The following OARD1 variants were observed in gnomAD, a reference collection of about 807,000 sequenced individuals.
OARD1 encodes the protein O-acyl-ADP-ribose deacylase 1.
OARD1 carries 19 observed loss-of-function variants against 19.7 expected under a neutral mutation model. That is an observed-to-expected ratio of 0.96 (90% CI 0.67 to 1.41). The LOEUF is 1.41. Among genes scored for constraint, OARD1 ranks in the 40% most tolerant of loss-of-function variants. The pLI, the probability that OARD1 is intolerant of heterozygous loss-of-function variation, is 0.00. For missense variants in OARD1, 190 were observed against 183.8 expected (o/e 1.03, Z -0.20); for synonymous variants, 70 against 61.8 (o/e 1.13, Z -0.62).
At chr6:41,090,142 A>G (rs1764161593) in intron 1 of OARD1, 1 of 1,131,746 alleles carries the variant, frequency 8.8e-7, no homozygotes, top group South Asian at 1.3e-5. Context: ...TTTAAGGACT[A>G]CATCGTTCTT....
At chr6:41,093,837 C>A (rs897323622) in intron 1 of OARD1, among the ~76,000 whole-genome samples, 1 of 152,178 alleles carries the variant, frequency 6.6e-6, no homozygotes, top group Non-Finnish European at 1.5e-5. Flanking sequence ...AATTTAGTTA[C>A]CTGATCACAC....
chr6:41,084,651 T>C (rs1763992938), intron 1 of OARD1, among the ~76,000 whole-genome samples: 2 of 152,266 alleles, frequency 1.3e-5, no homozygotes, highest in South Asian at 4.1e-4. Flanking sequence ...AAAACAAAAG[T>C]AAGCAAAGAT....
intron 3 of OARD1, chr6:41,070,771 G>T: frequency 2.2e-6 from 1 of 459,880 alleles, no homozygotes; most frequent in Non-Finnish European, 3.9e-6. Context: ...TGATGGGAGG[G>T]GTCTGTAAGG....
At chr6:41,095,495 G>C (rs1428731366) in intron 1 of OARD1, among the ~76,000 whole-genome samples, 1 of 152,086 alleles carries the variant, frequency 6.6e-6, no homozygotes, top group Non-Finnish European at 1.5e-5. Flanking sequence ...GCAGTGGTGT[G>C]ATTATGGCTC....
intron 1 of OARD1, among the ~76,000 whole-genome samples, chr6:41,093,883 G>T (rs1028651154): frequency 6.6e-6 from 1 of 152,194 alleles, no homozygotes; most frequent in Non-Finnish European, 1.5e-5. Flanking sequence ...GTCCAGCCTG[G>T]TGTGGTGGCA....
chr6:41,083,443 A>G (rs1422968434), intron 1 of OARD1, among the ~76,000 whole-genome samples: 1 of 152,238 alleles, frequency 6.6e-6, no homozygotes, highest in African/African-American at 2.4e-5. Flanking sequence ...TAAACAACAA[A>G]CATATCTAGA....
chr6:41,090,443 C>G, intron 1 of OARD1: 1 of 570,694 alleles, frequency 1.8e-6, no homozygotes, highest in Non-Finnish European at 3.2e-6. Context: ...AAGATTTCCT[C>G]TAGCTCTCCA....
At chr6:41,095,325 A>G (rs2113823429) in intron 1 of OARD1, among the ~76,000 whole-genome samples, 1 of 152,316 alleles carries the variant, frequency 6.6e-6, no homozygotes. Context: ...ACTTCCTGCC[A>G]CGGGTCTTTG....
intron 1 of OARD1, among the ~76,000 whole-genome samples, chr6:41,083,346 G>A (rs1763958118): frequency 6.6e-6 from 1 of 152,142 alleles, no homozygotes; most frequent in South Asian, 2.1e-4. Flanking sequence ...ATAACCATGT[G>A]GATATTATAG....
intron 1 of OARD1, among the ~76,000 whole-genome samples, chr6:41,081,256 G>C (rs969571166): frequency 6.6e-6 from 1 of 152,112 alleles, no homozygotes; most frequent in African/African-American, 2.4e-5. Context: ...TTGGGAGGCC[G>C]AGGCAGGCGG....
At chr6:41,092,134 C>T (rs7760860) in intron 1 of OARD1, among the ~76,000 whole-genome samples, 33,680 of 152,046 alleles carry the variant, frequency 0.22, 5,408 homozygotes, top group African/African-American at 0.45. Context: ...GGTGGTGTAA[C>T]TGAAAGCTAA....
chr6:41,097,641 G>A, intron 1 of OARD1: 1 of 477,362 alleles, frequency 2.1e-6, no homozygotes, highest in Non-Finnish European at 3.8e-6. Flanking sequence ...GACTGTTGAT[G>A]ACATTGACAT....
chr6:41,089,551 A>C (rs766375625), intron 1 of OARD1: 13 of 1,588,358 alleles, frequency 8.2e-6, no homozygotes, highest in Non-Finnish European at 9.4e-6. Flanking sequence ...AGTAGAGTAC[A>C]ATCCTTTTTT....
At chr6:41,090,636 A>G (rs1214571571) in intron 1 of OARD1, among the ~76,000 whole-genome samples, 1 of 152,242 alleles carries the variant, frequency 6.6e-6, no homozygotes, top group African/African-American at 2.4e-5. Context: ...AGTTGGCTTT[A>G]GAGTGCTATT....
chr6:41,094,236 G>A (rs776951733), intron 1 of OARD1, among the ~76,000 whole-genome samples: 49 of 152,206 alleles, frequency 3.2e-4, no homozygotes, highest in Non-Finnish European at 6.3e-4. Flanking sequence ...TACTTACTAG[G>A]TGTTTTCTCC....
At chr6:41,096,097 T>A (rs1462195422) in intron 1 of OARD1, among the ~76,000 whole-genome samples, 1 of 152,226 alleles carries the variant, frequency 6.6e-6, no homozygotes, top group African/African-American at 2.4e-5. Flanking sequence ...GTGTTTTTTT[T>A]AACCTGCCAG....
At chr6:41,087,729 G>T (rs1764085276) in intron 1 of OARD1, among the ~76,000 whole-genome samples, 1 of 151,906 alleles carries the variant, frequency 6.6e-6, no homozygotes, top group Non-Finnish European at 1.5e-5. Flanking sequence ...AAAAAAAAGT[G>T]TTCACTAGTT....
chr6:41,085,932 G>T lies in OARD1; in HGVS notation c.-42+11781C>A, dbSNP rs996470940. Among the ~76,000 whole-genome samples, 2 of 152,050 alleles carry T rather than the reference G, an allele frequency of 1.3e-5. 1 individual carries two copies. Among genetic ancestry groups the T allele is most frequent in the African/African-American group, 4.8e-5 (2 of 41,408 alleles). ...ATTTCTTTGGATTGGGGATTGCTTG[G>T]GTAAAGGGTAAGAGTATATTTGAGC... is the stretch of plus-strand genomic sequence containing the variant. On this transcript the variant is annotated intron_variant, in intron 1 of 4. Coordinates refer to the OARD1 transcript ENST00000480585.
chr6:41,092,869 A>C lies in OARD1; in HGVS notation c.-42+4844T>G, dbSNP rs764159604. 6 of 1,577,234 alleles carry C rather than the reference A, an allele frequency of 3.8e-6. No individual in the cohort carries two copies. The East Asian group carries it at 1.1e-4, about 30-fold the overall frequency. ...GAACCAAGAAACTGTTTCTATGTCC[A>C]TACTTCATGCCACCAATAAGCTCTG... On this transcript the variant is annotated intron_variant, in intron 1 of 4. Transcript: ENST00000480585.
Sources: gnomAD v4.1 joint callset for allele counts (sites outside exome capture counted in the v4.1 genomes callset) on GRCh38, gnomAD v4.1.1 for gene constraint, MANE v1.5 for transcripts, NCBI Gene and HGNC (gene_info 2026-07-23, HGNC 2026-07-21) for gene names.